The following FBXO31 variants were observed in gnomAD, a reference collection of about 807,000 sequenced individuals.
FBXO31 encodes the protein F-box only protein 31.
FBXO31 carries 24 observed loss-of-function variants against 54.4 expected under a neutral mutation model. The ratio of observed to expected loss-of-function variants is 0.44; its 90% CI spans 0.32 to 0.62. FBXO31 has a LOEUF of 0.62. Ranked by LOEUF, FBXO31 falls within the 20% of genes least tolerant of loss-of-function variation. The pLI is 0.05. For missense variants in FBXO31, 665 were observed against 787.1 expected, an observed-to-expected ratio of 0.84 and a Z score of 1.86; for synonymous variants, 388 against 335.6, an observed-to-expected ratio of 1.16 and a Z score of -1.71.
chr16:87,358,593 G>A lies in FBXO31; in HGVS notation c.412+1702C>T, dbSNP rs1322776177. On this transcript the variant is annotated intron_variant, in intron 2 of 8. Transcript: ENST00000311635. This position sits in a 1 kb window ranked among gnomAD's most constrained non-coding sequence, Gnocchi z 4.0. ...GACCCAATGCCTGCCCCTCACCAGT[G>A]TGATACAATCCCCTCGTGTTTATGC... 1 of 152,642 alleles carries A rather than the reference G, an allele frequency of 6.6e-6. No individual in the cohort carries two copies. Among genetic ancestry groups the A allele is most frequent in the African/African-American group, 2.4e-5 (1 of 41,452 alleles). 9.5% of individuals were successfully genotyped at this position (152,642 alleles called of 1,614,324 possible).
At chr16:87,390,262 C>T (rs776580505), upstream of FBXO31, among the ~76,000 whole-genome samples, 24 of 152,060 alleles carry the variant, frequency 1.6e-4, no homozygotes, top group Non-Finnish European at 3.1e-4. Context: ...GCCTGGGCAA[C>T]AGTGCAAGGC....
chr16:87,347,928 C>A (rs1216275480), intron 2 of FBXO31, among the ~76,000 whole-genome samples: 1 of 152,222 alleles, frequency 6.6e-6, no homozygotes. Flanking sequence ...GCTATCCCAA[C>A]AATGACAATG....
intron 1 of FBXO31, among the ~76,000 whole-genome samples, chr16:87,365,037 A>ATATATATATATATATATATCTATC (rs1489132121): frequency 6.5e-5 from 7 of 106,890 alleles, no homozygotes; most frequent in African/African-American, 2.1e-4. Flanking sequence ...ATATATATAT[A>ATATATATATATATATATATCTATC]TATCAGGCAG....
At chr16:87,351,048 T>C (rs1332955680) in intron 2 of FBXO31, among the ~76,000 whole-genome samples, 1 of 152,054 alleles carries the variant, frequency 6.6e-6, no homozygotes, top group Non-Finnish European at 1.5e-5. Context: ...ACCAAAACCA[T>C]CCCAAGAGAT....
chr16:87,372,732 CTT>C (rs540984671), intron 1 of FBXO31, among the ~76,000 whole-genome samples: 35 of 129,680 alleles, frequency 2.7e-4, no homozygotes, highest in African/African-American at 3.3e-4. Context: ...GGTTAATTTC[CTT>C]TTTTTTTTTT....
Position 87,336,393 on chromosome 16 carries a change from G to C in FBXO31, c.733-129C>G. 1 of 755,860 alleles carries C rather than the reference G, an allele frequency of 1.3e-6. No homozygotes were observed. The allele number at this position is 755,860 out of a possible 1,614,324, so 46.8% of individuals were successfully genotyped here. On this transcript the variant is annotated intron_variant, in intron 5 of 8. Coordinates refer to ENST00000311635, the MANE Select transcript of FBXO31 (RefSeq NM_024735.5). This position sits in a 1 kb window ranked among gnomAD's most constrained non-coding sequence, Gnocchi z 6.5. ...CACAGGCACCTGCAGGGCCCTCTTG[G>C]TGGGGGAGGATGGACTTGGCGCTGG...
At chr16:87,387,536 C>T (rs1424559047), upstream of FBXO31, among the ~76,000 whole-genome samples, 2 of 151,986 alleles carry the variant, frequency 1.3e-5, no homozygotes, top group East Asian at 1.9e-4. Context: ...CTGGGCAGGG[C>T]GCGGTGGCTT....
intron 1 of FBXO31, among the ~76,000 whole-genome samples, chr16:87,368,866 C>G (rs1203078291): frequency 6.6e-6 from 1 of 152,168 alleles, no homozygotes; most frequent in African/African-American, 2.4e-5. Flanking sequence ...GTGGCACCAT[C>G]TCGGCTCACT....
intron 2 of FBXO31, among the ~76,000 whole-genome samples, chr16:87,349,658 C>G (rs937786747): frequency 6.6e-6 from 1 of 150,792 alleles, no homozygotes; most frequent in Non-Finnish European, 1.5e-5. Flanking sequence ...TGCAGTGAGC[C>G]GAGACCACGC....
intron 2 of FBXO31, among the ~76,000 whole-genome samples, chr16:87,357,013 A>G (rs536005594): frequency 2.8e-4 from 43 of 152,292 alleles, no homozygotes; most frequent in Admixed American, 8.5e-4. Flanking sequence ...TGAGAGGCCA[A>G]GGTGGGAGGA....
intron 2 of FBXO31, among the ~76,000 whole-genome samples, chr16:87,349,707 C>G (rs12446712): frequency 7.5e-6 from 1 of 133,316 alleles, no homozygotes; most frequent in African/African-American, 3.4e-5. Flanking sequence ...AAGACTCCAT[C>G]TGAAAAAAAA....
At chr16:87,347,942 C>T (rs1905466655) in intron 2 of FBXO31, among the ~76,000 whole-genome samples, 1 of 152,224 alleles carries the variant, frequency 6.6e-6, no homozygotes, top group Non-Finnish European at 1.5e-5. Context: ...GACAATGTCA[C>T]ACTCGCTGAA....
At chr16:87,379,242 A>G (rs1906965638) in intron 1 of FBXO31, among the ~76,000 whole-genome samples, 2 of 152,048 alleles carry the variant, frequency 1.3e-5, no homozygotes, top group Non-Finnish European at 2.9e-5. Flanking sequence ...AATTCTCTGT[A>G]GGACAGATCA....
At chr16:87,378,192 T>C (rs1906914119) in intron 1 of FBXO31, among the ~76,000 whole-genome samples, 2 of 148,058 alleles carry the variant, frequency 1.4e-5, no homozygotes, top group Non-Finnish European at 3.0e-5. Flanking sequence ...CAGAAATCTA[T>C]CCAGATTACA....
chr16:87,388,007 C>T (rs2150704584), upstream of FBXO31, among the ~76,000 whole-genome samples: 1 of 152,300 alleles, frequency 6.6e-6, no homozygotes, highest in Middle Eastern at 3.4e-3. Flanking sequence ...CAGTTGCACA[C>T]GTTAACAGTC....
At chr16:87,351,761 T>A (rs1905670009) in intron 2 of FBXO31, among the ~76,000 whole-genome samples, 1 of 152,010 alleles carries the variant, frequency 6.6e-6, no homozygotes, top group African/African-American at 2.4e-5. Flanking sequence ...CCCAGCTACG[T>A]GGGAGGCGGA....
intron 5 of FBXO31, among the ~76,000 whole-genome samples, chr16:87,337,731 C>T (rs1159164487): frequency 6.6e-6 from 1 of 151,982 alleles, no homozygotes; most frequent in East Asian, 1.9e-4. Context: ...GAAGGAACCA[C>T]GACCCCGCCT....
chr16:87,360,078 G>C (rs1217808770), intron 2 of FBXO31, among the ~76,000 whole-genome samples: 1 of 152,204 alleles, frequency 6.6e-6, no homozygotes, highest in African/African-American at 2.4e-5. Flanking sequence ...CCTGGTAAAA[G>C]ACACTAGTAT....
At chr16:87,368,614 A>G (rs1242962791) in intron 1 of FBXO31, among the ~76,000 whole-genome samples, 2 of 150,322 alleles carry the variant, frequency 1.3e-5, no homozygotes, top group East Asian at 3.9e-4. Flanking sequence ...TTTCCTTACT[A>G]ATCTATTTCC....
Sources: gnomAD v4.1 joint callset for allele counts (sites outside exome capture counted in the v4.1 genomes callset) on GRCh38, gnomAD v4.1.1 for gene constraint, Gnocchi (gnomAD v3.1) non-coding constraint, MANE v1.5 for transcripts, NCBI Gene and HGNC (gene_info 2026-07-23, HGNC 2026-07-21) for gene names.